LUZP2: variants seen among roughly 807,000 people sequenced by gnomAD.
The protein encoded by LUZP2 is leucine zipper protein 2.
LUZP2 carries 52 observed loss-of-function variants against 51.6 expected under a neutral mutation model. The ratio of observed to expected loss-of-function variants is 1.01; its 90% CI spans 0.81 to 1.27. LUZP2 has a LOEUF of 1.27. Among genes scored for constraint, LUZP2 ranks in the 50% most tolerant of loss-of-function variants. The pLI is 0.00. For synonymous variants in LUZP2, 154 were observed against 137.3 expected (o/e 1.12, Z -0.85); for missense variants, 436 against 395.4 (o/e 1.10, Z -0.87).
At chr11:25,040,971 G>C (rs1858036278) in intron 9 of LUZP2, among the ~76,000 whole-genome samples, 1 of 152,030 alleles carries the variant, frequency 6.6e-6, no homozygotes. Context: ...CACTGTTTTA[G>C]CTCTTGACTG....
At chr11:24,862,747 C>A (rs1466917872) in intron 5 of LUZP2, among the ~76,000 whole-genome samples, 6 of 152,238 alleles carry the variant, frequency 3.9e-5, no homozygotes, top group Non-Finnish European at 5.9e-5. Context: ...ATCATTTTAT[C>A]TTTAAAGGAA....
At chr11:24,742,257 C>A (rs1011081537) in intron 4 of LUZP2, among the ~76,000 whole-genome samples, 1 of 151,188 alleles carries the variant, frequency 6.6e-6, no homozygotes, top group Non-Finnish European at 1.5e-5. Flanking sequence ...TCTACTTTTA[C>A]TTATTTAAGG....
intron 5 of LUZP2, among the ~76,000 whole-genome samples, chr11:24,849,874 C>A (rs2631460): frequency 0.15 from 22,993 of 152,148 alleles, 1,889 homozygotes; most frequent in African/African-American, 0.2. Flanking sequence ...CTCTAATGAC[C>A]AGTGATGCTG....
chr11:24,977,484 A>G (rs1400663238), intron 8 of LUZP2, among the ~76,000 whole-genome samples: 2 of 151,662 alleles, frequency 1.3e-5, no homozygotes, highest in Non-Finnish European at 3.0e-5. Flanking sequence ...GAAAAACAGT[A>G]AAATAACACC....
intron 9 of LUZP2, among the ~76,000 whole-genome samples, chr11:25,047,387 ATTTTTTTTAAT>A (rs1359557947): frequency 0.019 from 264 of 14,068 alleles, 2 homozygotes; most frequent in African/African-American, 0.037. Context: ...ATTTTTTTTA[ATTTTTTTTAAT>A]TTTTTTTTTA....
chr11:24,899,944 T>A (rs1853220911), intron 5 of LUZP2, among the ~76,000 whole-genome samples: 1 of 152,194 alleles, frequency 6.6e-6, no homozygotes, highest in Non-Finnish European at 1.5e-5. Context: ...TCAAGTTCTT[T>A]ATATGTCAAT....
At chr11:24,915,576 G>A (rs1388863956) in intron 7 of LUZP2, among the ~76,000 whole-genome samples, 1 of 152,008 alleles carries the variant, frequency 6.6e-6, no homozygotes, top group Non-Finnish European at 1.5e-5. Context: ...GTGAAAGACT[G>A]TTTCTTTTAC....
intron 1 of LUZP2, among the ~76,000 whole-genome samples, chr11:24,601,978 GTATA>G (rs202129773): frequency 1.5e-5 from 2 of 136,990 alleles, no homozygotes; most frequent in African/African-American, 5.6e-5. Flanking sequence ...ATGTGTATAT[GTATA>G]TATATGTGTA....
chr11:25,026,189 G>GC (rs1857486993), intron 9 of LUZP2, among the ~76,000 whole-genome samples: 1 of 151,878 alleles, frequency 6.6e-6, no homozygotes, highest in Non-Finnish European at 1.5e-5. Context: ...TATACCTAAT[G>GC]TACATAATGA....
chr11:25,021,565 T>G (rs934839916), intron 9 of LUZP2, among the ~76,000 whole-genome samples: 4 of 151,822 alleles, frequency 2.6e-5, no homozygotes, highest in African/African-American at 9.7e-5. Flanking sequence ...AGTGTGTGTT[T>G]GAGGTATTAA....
At chr11:24,546,530 A>C (rs1467267612) in intron 1 of LUZP2, among the ~76,000 whole-genome samples, 1 of 152,076 alleles carries the variant, frequency 6.6e-6, no homozygotes, top group African/African-American at 2.4e-5. Flanking sequence ...TAACATGATC[A>C]TGTGGGTATT....
intron 1 of LUZP2, among the ~76,000 whole-genome samples, chr11:24,540,299 A>T (rs1851317892): frequency 6.6e-6 from 1 of 152,126 alleles, no homozygotes; most frequent in South Asian, 2.1e-4. Flanking sequence ...AAATTTACTT[A>T]TTGAAACTCT....
At chr11:24,508,954 G>A (rs1850220991) in intron 1 of LUZP2, among the ~76,000 whole-genome samples, 2 of 152,098 alleles carry the variant, frequency 1.3e-5, no homozygotes, top group Non-Finnish European at 2.9e-5. Context: ...TCAGGATCCT[G>A]AGACAATAAA....
At chr11:24,857,292 TATATATATATACATATATATACACAC>T (rs1851598632) in intron 5 of LUZP2, among the ~76,000 whole-genome samples, 2 of 78,834 alleles carry the variant, frequency 2.5e-5, no homozygotes, top group African/African-American at 5.7e-5. Flanking sequence ...TATATATACA[TATATATATATACATATATATACACAC>T]ACACACACAC....
At chr11:24,889,552 G>T (rs1233510123) in intron 5 of LUZP2, among the ~76,000 whole-genome samples, 1 of 152,142 alleles carries the variant, frequency 6.6e-6, no homozygotes, top group Non-Finnish European at 1.5e-5. Context: ...TTGGTAAATT[G>T]TCTGAGGATC....
chr11:24,521,239 T>C (rs1850629947), intron 1 of LUZP2, among the ~76,000 whole-genome samples: 1 of 151,432 alleles, frequency 6.6e-6, no homozygotes, highest in African/African-American at 2.4e-5. Context: ...TAATCCCAGC[T>C]GCTCAGGAGA....
chr11:25,055,254 C>T (rs992742414), intron 10 of LUZP2, among the ~76,000 whole-genome samples: 1 of 151,940 alleles, frequency 6.6e-6, no homozygotes, highest in African/African-American at 2.4e-5. Flanking sequence ...TGTGATCCAC[C>T]CGCCTTAGCC....
At chr11:24,667,599 C>T (rs1315178815) in intron 1 of LUZP2, among the ~76,000 whole-genome samples, 1 of 152,178 alleles carries the variant, frequency 6.6e-6, no homozygotes, top group Non-Finnish European at 1.5e-5. Context: ...AGAGTTTGTA[C>T]ATTCAAAGAG....
chr11:24,947,066 C>T (rs79032254), intron 7 of LUZP2, among the ~76,000 whole-genome samples: 2,151 of 151,902 alleles, frequency 0.014, 117 homozygotes, highest in East Asian at 0.11. Flanking sequence ...TTTTGACTCC[C>T]CAAGTAGTTA....
Sources: allele counts gnomAD v4.1 joint callset (sites outside exome capture counted in the v4.1 genomes callset), GRCh38; gene constraint gnomAD v4.1.1; transcripts MANE v1.5; gene names NCBI Gene and HGNC (gene_info 2026-07-23, HGNC 2026-07-21).